Variants in TRABD2B observed in about 807,000 individuals in gnomAD.
TRABD2B encodes metalloprotease TIKI2.
TRABD2B carries 14 observed loss-of-function variants against 40.1 expected under a neutral mutation model. The observed-to-expected ratio is 0.35, with a 90% CI of 0.23 to 0.55. The LOEUF is 0.55. TRABD2B is among the 20% of genes least tolerant of loss of function. The pLI, the probability that TRABD2B is intolerant of heterozygous loss-of-function variation, is 0.90. For synonymous variants in TRABD2B, 263 were observed against 277.0 expected (o/e 0.95, Z 0.50); for missense variants, 541 against 648.6 (o/e 0.83, Z 1.80).
At chr1:47,814,777 C>G (rs561562597) in intron 2 of TRABD2B, among the ~76,000 whole-genome samples, 3 of 152,370 alleles carry the variant, frequency 2.0e-5, no homozygotes, top group Non-Finnish European at 4.4e-5. Context: ...GGAACAGATA[C>G]TCCTCCCAGG....
chr1:47,804,229 C>T (rs868211842), intron 2 of TRABD2B, among the ~76,000 whole-genome samples: 8 of 152,210 alleles, frequency 5.3e-5, no homozygotes, highest in African/African-American at 1.4e-4. Context: ...AGGCTCTGGC[C>T]GCCACCATTG....
At chr1:47,882,298 G>A (rs1157136601) in intron 2 of TRABD2B, among the ~76,000 whole-genome samples, 2 of 152,196 alleles carry the variant, frequency 1.3e-5, no homozygotes, top group East Asian at 1.9e-4. Flanking sequence ...CTGACCACCC[G>A]CCACAGTGAT....
At chr1:47,860,146 T>C (rs1643945921) in intron 2 of TRABD2B, among the ~76,000 whole-genome samples, 2 of 152,184 alleles carry the variant, frequency 1.3e-5, no homozygotes, top group Admixed American at 1.3e-4. Context: ...GAGAACTAAA[T>C]GCTGGTTGAT....
intron 3 of TRABD2B, among the ~76,000 whole-genome samples, chr1:47,799,717 T>C (rs971901251): frequency 1.3e-5 from 2 of 152,154 alleles, no homozygotes; most frequent in African/African-American, 2.4e-5. Flanking sequence ...GGCTCACTGG[T>C]GCATGGTTTC....
Position 47,983,710 on chromosome 1 carries a change from A to C in TRABD2B, c.666+10324T>G, listed in dbSNP as rs549870429. ...GTCCCAACGCCTGGCACTCTGAAGC[A>C]AATCCAGTTCCCTTTCTGAGCTCAG... On this transcript the variant is annotated intron_variant, in intron 2 of 6. Transcript: ENST00000606738. Among the ~76,000 whole-genome samples, 9 of 151,602 alleles carry C rather than the reference A, an allele frequency of 5.9e-5. No homozygotes were observed. The South Asian group carries it at 1.9e-3, about 32-fold the overall frequency.
chr1:47,961,891 C>G (rs544570964), intron 2 of TRABD2B, among the ~76,000 whole-genome samples: 4 of 152,184 alleles, frequency 2.6e-5, no homozygotes, highest in African/African-American at 4.8e-5. Context: ...ATAAATCATG[C>G]TGCTATAAAG....
chr1:47,995,501 CG>C (rs1283890822), intron 1 of TRABD2B, among the ~76,000 whole-genome samples: 1 of 149,880 alleles, frequency 6.7e-6, no homozygotes, highest in Non-Finnish European at 1.5e-5. Context: ...AGTGTGTGTG[CG>C]TGTGTGTGTG....
At chr1:47,851,472 A>G (rs1392525151) in intron 2 of TRABD2B, among the ~76,000 whole-genome samples, 1 of 152,156 alleles carries the variant, frequency 6.6e-6, no homozygotes, top group South Asian at 2.1e-4. Context: ...GGGTGAGGAA[A>G]AAGAGGGAGG....
intron 3 of TRABD2B, chr1:47,795,570 C>T (rs1350482844): frequency 3.5e-6 from 3 of 865,888 alleles, no homozygotes; most frequent in Non-Finnish European, 4.2e-6. Context: ...GGGCAAGTTA[C>T]TTAACTTTTC....
chr1:47,966,899 T>C (rs1645611058), intron 2 of TRABD2B, among the ~76,000 whole-genome samples: 1 of 60,630 alleles, frequency 1.6e-5, no homozygotes, highest in Non-Finnish European at 2.9e-5. Flanking sequence ...AGCAAGACTC[T>C]GTCTCAAATA....
chr1:47,924,720 A>G (rs1042193636), intron 2 of TRABD2B, among the ~76,000 whole-genome samples: 3 of 152,148 alleles, frequency 2.0e-5, no homozygotes, highest in African/African-American at 7.2e-5. Context: ...CAGAGGACAC[A>G]TAAGTTCAAA....
At chr1:47,867,385 G>A (rs930900481) in intron 2 of TRABD2B, among the ~76,000 whole-genome samples, 1 of 152,194 alleles carries the variant, frequency 6.6e-6, no homozygotes, top group Non-Finnish European at 1.5e-5. Context: ...TGGGTGACTT[G>A]AGTCAAGTTA....
At chr1:47,900,189 T>C (rs1644581048) in intron 2 of TRABD2B, among the ~76,000 whole-genome samples, 1 of 151,968 alleles carries the variant, frequency 6.6e-6, no homozygotes, top group Admixed American at 6.6e-5. Flanking sequence ...AAGAGGGTGC[T>C]GTTGGCAGAT....
Position 47,949,898 on chromosome 1 carries a change from C to G in TRABD2B, c.666+44136G>C, listed in dbSNP as rs140662508. ...TACCAAGCTCCTAGGATGTACCAGG[C>G]ATGGAGCCTACATTCCAGTGGGAGA... On this transcript the variant is annotated intron_variant, in intron 2 of 6. Coordinates refer to ENST00000606738, the MANE Select transcript of TRABD2B (RefSeq NM_001194986.2). 2.2e-3 allele frequency among the ~76,000 whole-genome samples: 333 copies of G among 152,284 alleles called. 1 individual carries two copies. The highest frequency in any genetic ancestry group is 7.8e-3 in the African/African-American group (325 of 41,556).
At chr1:47,938,248 G>A (rs902297611) in intron 2 of TRABD2B, among the ~76,000 whole-genome samples, 1 of 152,244 alleles carries the variant, frequency 6.6e-6, no homozygotes, top group African/African-American at 2.4e-5. Flanking sequence ...TGCAGGCACA[G>A]AGAGGCCACA....
chr1:47,800,169 A>G (rs1279640101), intron 3 of TRABD2B, among the ~76,000 whole-genome samples: 1 of 152,148 alleles, frequency 6.6e-6, no homozygotes, highest in Admixed American at 6.5e-5. Context: ...TAGGGAGAGC[A>G]ACCAATAAAC....
rs1025792214 is a variant in TRABD2B, at chr1:47,763,420, C to T, written c.*2482G>A. The stretch of plus-strand genomic sequence containing the variant: ...AGAGTTTAGGATCCCCTAATATGCC[C>T]AGAGGAGGGATCTGGGAAAGACTAA... On this transcript the variant is annotated 3_prime_UTR_variant, in exon 7 of 7. Coordinates refer to ENST00000606738, the MANE Select transcript of TRABD2B (RefSeq NM_001194986.2). The T allele has an allele frequency of 6.6e-6, 1 of 152,142 alleles. No individual in the cohort carries two copies. Among genetic ancestry groups the T allele is most frequent in the African/African-American group, 2.4e-5 (1 of 41,420 alleles). 9.4% of individuals were successfully genotyped at this position (152,142 alleles called of 1,614,324 possible). A position where few individuals can be genotyped will look rare whatever the true frequency, so the allele number is the denominator to read the frequency against.
chr1:47,965,218 GGGGGTGGGGGGGGT>G (rs1645583442), intron 2 of TRABD2B, among the ~76,000 whole-genome samples: 1 of 111,540 alleles, frequency 9.0e-6, no homozygotes, highest in African/African-American at 3.4e-5. Flanking sequence ...GGGTGGAGGG[GGGGGTGGGGGGGGT>G]GGATGGGGAG....
chr1:47,767,766 C>G (rs12409657), intron 6 of TRABD2B, among the ~76,000 whole-genome samples: 1 of 152,122 alleles, frequency 6.6e-6, no homozygotes, highest in Admixed American at 6.5e-5. Context: ...GCCTTCCTGC[C>G]ACGCTTCCCA....
Sources: allele counts gnomAD v4.1 joint callset (sites outside exome capture counted in the v4.1 genomes callset), GRCh38; gene constraint gnomAD v4.1.1; transcripts MANE v1.5; gene names NCBI Gene and HGNC (gene_info 2026-07-23, HGNC 2026-07-21).